Variants in ALDH1A2 observed in about 807,000 individuals in gnomAD.
ALDH1A2 encodes aldehyde dehydrogenase 1 family member A2, also known as retinal dehydrogenase 2.
ALDH1A2 carries 27 observed loss-of-function variants against 60.3 expected under a neutral mutation model. The ratio of observed to expected loss-of-function variants is 0.45; its 90% CI spans 0.33 to 0.62. ALDH1A2 has a LOEUF of 0.62. Among genes scored for constraint, ALDH1A2 ranks in the 20% least tolerant of loss-of-function variants. ALDH1A2 has a pLI of 0.02. For missense variants in ALDH1A2, 581 were observed against 643.8 expected, an observed-to-expected ratio of 0.90 and a Z score of 1.06; for synonymous variants, 289 against 232.4, an observed-to-expected ratio of 1.24 and a Z score of -2.21.
chr15:58,039,277 T>C (rs1377333318), intron 1 of ALDH1A2, among the ~76,000 whole-genome samples: 2 of 151,714 alleles, frequency 1.3e-5, no homozygotes, highest in Non-Finnish European at 2.9e-5. Flanking sequence ...TCTTTATTAA[T>C]AGTGACCATT....
intron 4 of ALDH1A2, among the ~76,000 whole-genome samples, chr15:58,006,632 C>T (rs1461973603): frequency 6.6e-6 from 1 of 151,570 alleles, no homozygotes; most frequent in Non-Finnish European, 1.5e-5. Context: ...CATTCCCAAC[C>T]AGCAGTGTGT....
chr15:57,980,364 C>T lies in ALDH1A2; in HGVS notation c.798+12341G>A, dbSNP rs140623553. ...ATGGGGTTCATGTCATAGCTGACTA[C>T]AGCCTTGATGAAGTTGGAGAGGTTT... On this transcript the variant is annotated intron_variant, in intron 7 of 12. Transcript: ENST00000249750. 3.2e-3 allele frequency: 1,245 copies of T among 385,118 alleles called. 5 individuals carry two copies. The highest frequency in any genetic ancestry group is 9.7e-3 in the Middle Eastern group (10 of 1,026). 23.9% of individuals were successfully genotyped at this position (385,118 alleles called of 1,614,324 possible).
intron 7 of ALDH1A2, among the ~76,000 whole-genome samples, chr15:57,969,052 AAG>A (rs1486767979): frequency 6.6e-6 from 1 of 152,204 alleles, no homozygotes; most frequent in African/African-American, 2.4e-5. Flanking sequence ...TCATCTTTGG[AAG>A]AAAGTCGAGT....
intron 4 of ALDH1A2, among the ~76,000 whole-genome samples, chr15:57,999,857 T>C (rs1287276818): frequency 6.6e-6 from 1 of 152,044 alleles, no homozygotes; most frequent in Non-Finnish European, 1.5e-5. Flanking sequence ...ATGTGGTATA[T>C]ATACATCAAG....
intron 1 of ALDH1A2, among the ~76,000 whole-genome samples, chr15:58,035,415 CTTTA>C (rs1255018504): frequency 3.3e-5 from 5 of 150,998 alleles, no homozygotes; most frequent in African/African-American, 9.7e-5. Context: ...GTTTTATTGT[CTTTA>C]TTGTTTTCAT....
At position 58,063,522 on chromosome 15, in the gene ALDH1A2, T is replaced by C. The variant is rs187847427; in HGVS notation, c.117+2012A>G. ...AAGTAAAAAAATCATTACCCTGGGA[T>C]ACCAAAAGAGCAGCTTCTGCTCTTC... On this transcript the variant is annotated intron_variant, in intron 1 of 12. Transcript: ENST00000249750. 3.6e-4 allele frequency among the ~76,000 whole-genome samples: 55 copies of C among 152,246 alleles called. No homozygotes were observed. The East Asian group carries it at 6.6e-3, about 18-fold the overall frequency.
intron 7 of ALDH1A2, among the ~76,000 whole-genome samples, chr15:57,967,169 G>GGTTT (rs1893924291): frequency 1.7e-5 from 2 of 120,650 alleles, no homozygotes; most frequent in South Asian, 4.9e-4. Flanking sequence ...AGACTGCCTG[G>GGTTT]ATTTTTTTTT....
At chr15:57,967,234 T>A (rs1444248325) in intron 7 of ALDH1A2, among the ~76,000 whole-genome samples, 1 of 151,942 alleles carries the variant, frequency 6.6e-6, no homozygotes, top group Non-Finnish European at 1.5e-5. Flanking sequence ...GGAAATTTAT[T>A]TACTATCTGA....
intron 10 of ALDH1A2, 109 bp from the exon 11 acceptor site, chr15:57,961,403 T>TAA: frequency 1.5e-6 from 2 of 1,346,344 alleles, no homozygotes; most frequent in Non-Finnish European, 2.1e-6. Context: ...GACCTTTAAG[T>TAA]TTAGCAGTAC....
intron 1 of ALDH1A2, among the ~76,000 whole-genome samples, chr15:58,034,918 T>G (rs990426780): frequency 1.3e-5 from 2 of 151,670 alleles, no homozygotes; most frequent in Admixed American, 6.6e-5. Flanking sequence ...TGAGAGGTAA[T>G]AGTTTGTAGT....
At position 57,953,441 on chromosome 15, in the gene ALDH1A2, A is replaced by ATGCTT. The variant is rs1893414867; in HGVS notation, c.*1751_*1755dup. 6.5e-6 allele frequency: 1 copy of ATGCTT among 152,770 alleles called. No homozygotes were observed. The highest frequency in any genetic ancestry group is 1.5e-5 in the Non-Finnish European group (1 of 68,038). The allele number at this position is 152,770 out of a possible 1,614,324, so 9.5% of individuals were successfully genotyped here. The stretch of plus-strand genomic sequence containing the variant: ...CAATCCCAAGGAGTACACAATATAA[A>ATGCTT]TGCTTTATTGCTAGCACAGAGGTTT... On this transcript the variant is annotated 3_prime_UTR_variant, in exon 13 of 13. Transcript: ENST00000249750.
At position 57,962,085 on chromosome 15, in the gene ALDH1A2, C is replaced by G; in HGVS notation, c.1178G>C (p.Gly393Ala). 1.2e-6 allele frequency: 2 copies of G among 1,614,178 alleles called. No homozygotes were observed. Among genetic ancestry groups the G allele is most frequent in the Non-Finnish European group, 8.5e-7 (1 of 1,180,022 alleles). The change falls in exon 10 of 13, where the codon GGC becomes GCC. Residue 393 changes from glycine to alanine, a missense_variant. By Grantham distance (60) the Gly-to-Ala change is moderately conservative. Around this residue, in one of 2 missense-constraint regions of ALDH1A2, gnomAD observed 375 missense variants for 469.7 expected, o/e 0.80. Coordinates refer to ENST00000249750, the MANE Select transcript of ALDH1A2 (RefSeq NM_003888.4). ...AKLECGGKGL[G>A]RKGFFIEPTV... ...GGGCTCAATGAAAAACCCCTTTCGG[C>G]CCAGTCCTTTGCCTCCACATTCCAG...
chr15:57,975,363 G>A (rs1454452002), intron 7 of ALDH1A2, among the ~76,000 whole-genome samples: 1 of 152,192 alleles, frequency 6.6e-6, no homozygotes, highest in Non-Finnish European at 1.5e-5. Context: ...GTTCATCATT[G>A]GCTGAATGGC....
rs1555398332 is a variant in ALDH1A2, at chr15:57,958,214, G to GCACACACACACGCACGCACACACACA, written c.1484+2555_1484+2556insTGTGTGTGTGCGTGCGTGTGTGTGTG. Among the ~76,000 whole-genome samples the GCACACACACACGCACGCACACACACA allele has an allele frequency of 3.7e-3, 559 of 151,814 alleles. 3 individuals are homozygous for GCACACACACACGCACGCACACACACA. Among genetic ancestry groups the GCACACACACACGCACGCACACACACA allele is most frequent in the African/African-American group, 0.012 (515 of 41,434 alleles). ...TCTGTATGCATGCGTGTACACGCACGCACACACACACATAAATTTGACAAG... is the reference window on the plus strand; with the variant it reads ...TCTGTATGCATGCGTGTACACGCACGCACACACACACGCACGCACACACACACACACACACACATAAATTTGACAAG... On this transcript the variant is annotated intron_variant, in intron 12 of 12. Transcript: ENST00000249750.
At chr15:58,002,570 T>C (rs1425420533) in intron 4 of ALDH1A2, among the ~76,000 whole-genome samples, 1 of 151,890 alleles carries the variant, frequency 6.6e-6, no homozygotes, top group Non-Finnish European at 1.5e-5. Context: ...TAAACAGTGA[T>C]AAAATCAGAA....
chr15:57,961,944 CCACTAGAAATG>C, intron 10 of ALDH1A2, 57 bp downstream of exon 10: 1 of 1,573,396 alleles, frequency 6.4e-7, no homozygotes. Context: ...CTAATATCAT[CCACTAGAAATG>C]CTCTAGAAAT....
chr15:58,054,758 CAAACAAAACAGATCAAAT>C (rs1466262627), intron 1 of ALDH1A2, among the ~76,000 whole-genome samples: 1 of 152,108 alleles, frequency 6.6e-6, no homozygotes, highest in Non-Finnish European at 1.5e-5. Context: ...TTTTTGAATG[CAAACAAAACAGATCAAAT>C]AAACAGGTGT....
At chr15:58,046,883 G>A (rs756848837) in intron 1 of ALDH1A2, among the ~76,000 whole-genome samples, 5 of 152,024 alleles carry the variant, frequency 3.3e-5, no homozygotes, top group Non-Finnish European at 7.4e-5. Flanking sequence ...AAGATTGGCT[G>A]TCAACAGCAT....
chr15:58,044,968 C>G (rs529415385), intron 1 of ALDH1A2, among the ~76,000 whole-genome samples: 1 of 151,680 alleles, frequency 6.6e-6, no homozygotes, highest in Non-Finnish European at 1.5e-5. Context: ...AAAAGCATAT[C>G]AAATGCCAAA....
Sources: gnomAD v4.1 joint callset for allele counts (sites outside exome capture counted in the v4.1 genomes callset) on GRCh38, gnomAD v4.1.1 for gene constraint, gnomAD v4.1.1 regional missense constraint, MANE v1.5 for transcripts, NCBI Gene and HGNC (gene_info 2026-07-23, HGNC 2026-07-21) for gene names.